The following C2orf68 variants were observed in gnomAD, a reference collection of about 807,000 sequenced individuals.
The protein encoded by C2orf68 is chromosome 2 open reading frame 68, also known as UPF0561 protein C2orf68.
Under a neutral mutation model 19.1 loss-of-function variants are expected in C2orf68, and 15 were observed. The ratio of observed to expected loss-of-function variants is 0.79; its 90% CI spans 0.53 to 1.21. C2orf68 has a LOEUF of 1.21. C2orf68 is among the 50% of genes most tolerant of loss of function. The probability of loss-of-function intolerance (pLI) is 0.00; values close to 1 mark genes in which losing one functional copy is unlikely to be tolerated. For missense variants in C2orf68, 242 were observed against 226.6 expected (o/e 1.07, Z -0.44); for synonymous variants, 98 against 91.0 (o/e 1.08, Z -0.44).
At chr2:85,610,492 T>C (rs965242267) in intron 2 of C2orf68, 1 of 152,196 alleles carries the variant, frequency 6.6e-6, no homozygotes. Context: ...GGCTCTGCCA[T>C]TTACTAGCTG....
At chr2:85,611,203 C>T (rs1673498305) in intron 2 of C2orf68, 2 of 1,179,978 alleles carry the variant, frequency 1.7e-6, no homozygotes, top group African/African-American at 1.6e-5. Context: ...GACCTAGTCT[C>T]AAAAATAAAA....
chr2:85,611,876 A>C lies in C2orf68; in HGVS notation c.107+2T>G. ...CGGCGGCGGCGCAGGGCGGGGCGGT[A>C]CCGAGCGATCTGGTTCCGTCGGATA... On this transcript the variant is annotated splice_donor_variant, in intron 1 of 3. Coordinates refer to ENST00000306336, the MANE Select transcript of C2orf68 (RefSeq NM_001013649.4). LOFTEE classifies it high-confidence loss of function. 1 of 1,597,844 alleles carries C rather than the reference A, an allele frequency of 6.3e-7. No individual in the cohort carries two copies. Among genetic ancestry groups the C allele is most frequent in the Non-Finnish European group, 8.5e-7 (1 of 1,177,330 alleles).
At position 85,609,430 on chromosome 2, in the gene C2orf68, C is replaced by G; in HGVS notation, c.378+5G>C. The G allele has an allele frequency of 6.2e-7, 1 of 1,613,658 alleles. No individual in the cohort carries two copies. Among genetic ancestry groups the G allele is most frequent in the Non-Finnish European group, 8.5e-7 (1 of 1,179,664 alleles). On this transcript the variant is annotated splice_donor_5th_base_variant and intron_variant, in intron 3 of 3. Coordinates refer to ENST00000306336, the MANE Select transcript of C2orf68 (RefSeq NM_001013649.4). ...TCAGGCTGCAGCTGTTTCCACCAGG[C>G]GTACCTGATAGACGATAACTGATGT...
At chr2:85,611,389 C>T (rs1457135102) in intron 2 of C2orf68, 1 of 1,466,892 alleles carries the variant, frequency 6.8e-7, no homozygotes, top group East Asian at 2.5e-5. Flanking sequence ...GGTAGCGGAG[C>T]ACCTTACTAA....
chr2:85,609,521 A>C lies in C2orf68; in HGVS notation c.292T>G (p.Ser98Ala). 6.2e-7 allele frequency: 1 copy of C among 1,614,208 alleles called. No homozygotes were observed. The change falls in exon 3 of 4, where the codon TCT (serine) becomes GCT (alanine). Residue 98 changes from serine to alanine, a missense_variant. Ser to Ala is a moderately conservative substitution (Grantham distance 99). Transcript: ENST00000306336. ...ESGESSSSGG[S>A]ELEPSGHQLF... ...TGATGGCCAGAAGGCTCCAGCTCAGAGCCTCCACTACTGCTGCTTTCACCG... is the reference window on the plus strand; with the variant it reads ...TGATGGCCAGAAGGCTCCAGCTCAGCGCCTCCACTACTGCTGCTTTCACCG...
intron 2 of C2orf68, chr2:85,611,245 A>T: frequency 3.0e-6 from 4 of 1,349,810 alleles, no homozygotes; most frequent in East Asian, 3.1e-5. Flanking sequence ...AATAATGCTT[A>T]ACAAAAATTG....
In C2orf68 at chr2:85,605,436, T is replaced by C. The variant is rs1673179902; in HGVS notation, c.*3509A>G. ...CAACCAGTGCAAATTCTCCTGCCTC[T>C]GAGAAGGCAGAGAAGCCCTTTACTC... On this transcript the variant is annotated 3_prime_UTR_variant, in exon 4 of 4. Coordinates refer to ENST00000306336, the MANE Select transcript of C2orf68 (RefSeq NM_001013649.4). Among the ~76,000 whole-genome samples, 1 of 152,232 alleles carries C rather than the reference T, an allele frequency of 6.6e-6. No homozygotes were observed. Among genetic ancestry groups the C allele is most frequent in the South Asian group, 2.1e-4 (1 of 4,836 alleles).
chr2:85,605,831 C>T lies in C2orf68; in HGVS notation c.*3114G>A, dbSNP rs868199656. Among the ~76,000 whole-genome samples, 1 of 152,180 alleles carries T rather than the reference C, an allele frequency of 6.6e-6. No homozygotes were observed. Among genetic ancestry groups the T allele is most frequent in the South Asian group, 2.1e-4 (1 of 4,834 alleles). On this transcript the variant is annotated 3_prime_UTR_variant, in exon 4 of 4. Transcript: ENST00000306336. ...AGTTGACAGTGCCCCTCAGAGTGCA[C>T]CATGGAGATGGAATGTCCCTTCCAG...
intron 2 of C2orf68, among the ~76,000 whole-genome samples, chr2:85,609,822 A>G (rs1456695016): frequency 6.6e-6 from 1 of 151,994 alleles, no homozygotes; most frequent in Non-Finnish European, 1.5e-5. Context: ...CTGGGATTAC[A>G]GGCAAGTGCC....
rs747515268 is a variant in C2orf68, at chr2:85,611,985, C to T, written c.-1G>A. On this transcript the variant is annotated 5_prime_UTR_variant, in exon 1 of 4. Transcript: ENST00000306336. ...GCCGGGGATGCGGCCCCGCCTCCAT[C>T]AGGAGCCGGGGACGCAGAGTCGCCG... The T allele has an allele frequency of 7.2e-6, 11 of 1,531,386 alleles. No individual in the cohort carries two copies. The African/African-American group carries it at 1.3e-4, about 18-fold the overall frequency. The allele number at this position is 1,531,386 out of a possible 1,614,324, so 94.9% of individuals were successfully genotyped here. A position where few individuals can be genotyped will look rare whatever the true frequency, so the allele number is the denominator to read the frequency against.
Position 85,608,878 on chromosome 2 carries a change from T to C in C2orf68, c.*67A>G. ...CAAACTGGTCCTGGTACCCCCACAC[T>C]AAATTCCCTGGGCAGAATTCTTCCG... On this transcript the variant is annotated 3_prime_UTR_variant, in exon 4 of 4. Transcript: ENST00000306336. The C allele has an allele frequency of 2.5e-6, 4 of 1,591,822 alleles. No homozygotes were observed. Among genetic ancestry groups the C allele is most frequent in the Non-Finnish European group, 3.4e-6 (4 of 1,165,228 alleles).
chr2:85,611,752 T>C lies in C2orf68; in HGVS notation c.142A>G (p.Lys48Glu). ...DYDKKVKQAA[K>E]EKVRRRHTPA... ...GTGTGCCGCCTCCTCACCTTCTCCT[T>C]GGCCGCCTGCTTCACCTTCTTGTCA... The change falls in exon 2 of 4, where the codon AAG becomes GAG. Residue 48 changes from lysine (K) to glutamate (E), a missense_variant. Transcript: ENST00000306336. The C allele has an allele frequency of 1.2e-6, 2 of 1,611,916 alleles. No individual in the cohort carries two copies.
chr2:85,609,021 G>T lies in C2orf68; in HGVS notation c.425C>A (p.Pro142His). The T allele has an allele frequency of 6.2e-7, 1 of 1,614,252 alleles. No homozygotes were observed. Among genetic ancestry groups the T allele is most frequent in the Non-Finnish European group, 8.5e-7 (1 of 1,180,050 alleles). The change falls in exon 4 of 4, where the codon CCT becomes CAT. Residue 142 changes from proline to histidine, a missense_variant. Physicochemically the swap from Pro to His is moderately conservative, Grantham distance 77. Transcript: ENST00000306336. ...KVSEKVSAHTPLDPPMREALK... is the reference protein window; with the variant it reads ...KVSEKVSAHTHLDPPMREALK... Reference sequence around the variant, plus strand: ...GGCTTCTCGCATGGGTGGATCCAGAGGCGTGTGTGCCGACACCTTCTCACT... The same window carrying T: ...GGCTTCTCGCATGGGTGGATCCAGATGCGTGTGTGCCGACACCTTCTCACT...
At position 85,612,004 on chromosome 2, in the gene C2orf68, G is replaced by T; in HGVS notation, c.-20C>A. ...CTCCATCAGGAGCCGGGGACGCAGA[G>T]TCGCCGCCGCCTCGACGGCCCCAAC... On this transcript the variant is annotated 5_prime_UTR_variant, in exon 1 of 4. Coordinates refer to ENST00000306336, the MANE Select transcript of C2orf68 (RefSeq NM_001013649.4). The T allele has an allele frequency of 6.7e-7, 1 of 1,490,002 alleles. No homozygotes were observed. Among genetic ancestry groups the T allele is most frequent in the Non-Finnish European group, 8.9e-7 (1 of 1,126,018 alleles). The allele number at this position is 1,490,002 out of a possible 1,614,324, so 92.3% of individuals were successfully genotyped here. A position where few individuals can be genotyped will look rare whatever the true frequency, so the allele number is the denominator to read the frequency against.
Position 85,608,701 on chromosome 2 carries a change from CAAAAA to C in C2orf68, c.*239_*243del, listed in dbSNP as rs5832651. ...GAACACATTAGCCACACAAAATCCT[CAAAAA>C]AAAAAAAAAAAAAAAAAAAAAAAGA... On this transcript the variant is annotated 3_prime_UTR_variant, in exon 4 of 4. Coordinates refer to ENST00000306336, the MANE Select transcript of C2orf68 (RefSeq NM_001013649.4). 202 of 55,442 alleles carry C rather than the reference CAAAAA, an allele frequency of 3.6e-3. No homozygotes were observed. Among genetic ancestry groups the C allele is most frequent in the East Asian group, 0.01 (21 of 2,078 alleles). The allele number at this position is 55,442 out of a possible 1,614,324, so 3.4% of individuals were successfully genotyped here. A position where few individuals can be genotyped will look rare whatever the true frequency, so the allele number is the denominator to read the frequency against.
rs944348571 is a variant in C2orf68, at chr2:85,608,625, T to G, written c.*320A>C. On this transcript the variant is annotated 3_prime_UTR_variant, in exon 4 of 4. Transcript: ENST00000306336. ...ATATGACCTCGGTGAGAAAGCACCA[T>G]GTTGCACGAGGCTTCATAAATTCTG... 15 of 215,488 alleles carry G rather than the reference T, an allele frequency of 7.0e-5. No individual in the cohort carries two copies. The East Asian group carries it at 1.4e-3, about 21-fold the overall frequency. The allele number at this position is 215,488 out of a possible 1,614,324, so 13.3% of individuals were successfully genotyped here.
rs560287697 is a variant in C2orf68, at chr2:85,606,162, T to C, written c.*2783A>G. On this transcript the variant is annotated 3_prime_UTR_variant, in exon 4 of 4. Coordinates refer to ENST00000306336, the MANE Select transcript of C2orf68 (RefSeq NM_001013649.4). ...ATGGGCATGAGATATGCCTATCAGA[T>C]TGTGTGTGTGTGCGCGTTTTTTAAA... Among the ~76,000 whole-genome samples the C allele has an allele frequency of 2.6e-5, 4 of 152,126 alleles. No individual in the cohort carries two copies. Among genetic ancestry groups the C allele is most frequent in the South Asian group, 2.1e-4 (1 of 4,812 alleles).
chr2:85,608,916 C>A lies in C2orf68; in HGVS notation c.*29G>T. ...CAGAATTCTTCCGAGTGCAGTGAAT[C>A]CAGCCTGGAGAGAACGCCTTCAACA... On this transcript the variant is annotated 3_prime_UTR_variant, in exon 4 of 4. Transcript: ENST00000306336. The A allele has an allele frequency of 1.2e-6, 2 of 1,610,224 alleles. No individual in the cohort carries two copies. The highest frequency in any genetic ancestry group is 2.2e-5 in the South Asian group (2 of 90,894).
In C2orf68 at chr2:85,609,601, C is replaced by T. The variant is rs868268307; in HGVS notation, c.227-15G>A. 1 of 1,613,868 alleles carries T rather than the reference C, an allele frequency of 6.2e-7. No individual in the cohort carries two copies. Among genetic ancestry groups the T allele is most frequent in the African/African-American group, 1.3e-5 (1 of 75,056 alleles). On this transcript the variant is annotated splice_polypyrimidine_tract_variant and intron_variant, in intron 2 of 3. Coordinates refer to ENST00000306336, the MANE Select transcript of C2orf68 (RefSeq NM_001013649.4). ...GGCAGAGACATCTGGAAGGATGAAC[C>T]ACAGTAAGAAAGAAGAGGGGGGGTG...
Sources: gnomAD v4.1 joint callset for allele counts (sites outside exome capture counted in the v4.1 genomes callset) on GRCh38, gnomAD v4.1.1 for gene constraint, MANE v1.5 for transcripts, NCBI Gene and HGNC (gene_info 2026-07-23, HGNC 2026-07-21) for gene names.